The following NALF1 variants were observed in gnomAD, a reference collection of about 807,000 sequenced individuals.
NALF1 encodes the protein NALCN channel auxiliary factor 1.
Under a neutral mutation model 48.4 loss-of-function variants are expected in NALF1, and 3 were observed. The observed-to-expected ratio is 0.06, with a 90% CI of 0.03 to 0.16. The LOEUF (loss-of-function observed/expected upper bound fraction) is 0.16. NALF1 is among the 10% of genes least tolerant of loss of function. The pLI is 1.00. For synonymous variants in NALF1, 262 were observed against 245.7 expected, an observed-to-expected ratio of 1.07 and a Z score of -0.62; for missense variants, 526 against 571.5, an observed-to-expected ratio of 0.92 and a Z score of 0.81.
intron 1 of NALF1, among the ~76,000 whole-genome samples, chr13:107,230,884 A>T (rs765141726): frequency 5.3e-5 from 8 of 151,910 alleles, no homozygotes; most frequent in Non-Finnish European, 1.2e-4. Flanking sequence ...ACATAGTGAG[A>T]CCCCATCTCC....
intron 1 of NALF1, among the ~76,000 whole-genome samples, chr13:107,548,112 T>C (rs1369970079): frequency 6.6e-6 from 1 of 152,076 alleles, no homozygotes; most frequent in Non-Finnish European, 1.5e-5. Flanking sequence ...TTTTTCTGCT[T>C]CTCTCCCTCC....
At chr13:107,579,448 C>G (rs1566401404) in intron 1 of NALF1, among the ~76,000 whole-genome samples, 1 of 152,140 alleles carries the variant, frequency 6.6e-6, no homozygotes, top group Non-Finnish European at 1.5e-5. Flanking sequence ...CACTGTGCCC[C>G]CTCCTTATGT....
At chr13:107,778,607 T>G (rs767020420) in intron 1 of NALF1, among the ~76,000 whole-genome samples, 1 of 149,628 alleles carries the variant, frequency 6.7e-6, no homozygotes, top group South Asian at 2.1e-4. Flanking sequence ...GTTTTTTTGT[T>G]TGTTTGTTTT....
intron 1 of NALF1, among the ~76,000 whole-genome samples, chr13:107,510,203 T>C (rs575550590): frequency 6.6e-6 from 1 of 152,298 alleles, no homozygotes; most frequent in Admixed American, 6.5e-5. Flanking sequence ...ATATTGCTAT[T>C]TGAGTGATAG....
At chr13:107,737,784 T>C (rs1876509675) in intron 1 of NALF1, among the ~76,000 whole-genome samples, 1 of 152,206 alleles carries the variant, frequency 6.6e-6, no homozygotes, top group African/African-American at 2.4e-5. Context: ...ACCCATTGTA[T>C]TGCAGAGTAC....
intron 1 of NALF1, among the ~76,000 whole-genome samples, chr13:107,818,432 T>C (rs1179958540): frequency 6.6e-6 from 1 of 152,120 alleles, no homozygotes; most frequent in African/African-American, 2.4e-5. Flanking sequence ...TGCACATAGC[T>C]GCTCCTATTG....
chr13:107,861,073 A>G (rs1241884425), intron 1 of NALF1, among the ~76,000 whole-genome samples: 2 of 152,230 alleles, frequency 1.3e-5, no homozygotes, highest in East Asian at 3.8e-4. Context: ...AATAAGATAT[A>G]ATGTTGGATA....
chr13:107,644,796 A>G (rs1009580898), intron 1 of NALF1, among the ~76,000 whole-genome samples: 1 of 151,890 alleles, frequency 6.6e-6, no homozygotes, highest in African/African-American at 2.4e-5. Context: ...GTACAGAAAG[A>G]AAAGTGAACA....
chr13:107,243,380 C>T lies in NALF1; in HGVS notation c.916-32625G>A, dbSNP rs542765300. 7.2e-5 allele frequency among the ~76,000 whole-genome samples: 11 copies of T among 152,290 alleles called. No individual in the cohort carries two copies. The South Asian group carries it at 1.9e-3, about 26-fold the overall frequency. On this transcript the variant is annotated intron_variant, in intron 1 of 2. Transcript: ENST00000375915. Reference sequence around the variant, plus strand: ...CCCTGGGCCACGCAGGTGATTTCAGCGCATCCCCAGCCCTGACCCCCATTG... The same window carrying T: ...CCCTGGGCCACGCAGGTGATTTCAGTGCATCCCCAGCCCTGACCCCCATTG...
intron 1 of NALF1, among the ~76,000 whole-genome samples, chr13:107,496,983 A>G (rs1335467884): frequency 1.3e-5 from 2 of 152,198 alleles, no homozygotes; most frequent in African/African-American, 2.4e-5. Context: ...GAGCCAAACC[A>G]TATCAGGAAA....
chr13:107,381,435 C>T (rs767875338), intron 1 of NALF1, among the ~76,000 whole-genome samples: 19 of 151,880 alleles, frequency 1.3e-4, no homozygotes, highest in Non-Finnish European at 1.3e-4. Context: ...TGGGCTCAAA[C>T]GATCCTCTCA....
In NALF1 at chr13:107,341,020, T is replaced by C. The variant is rs549759831; in HGVS notation, c.916-130265A>G. On this transcript the variant is annotated intron_variant, in intron 1 of 2. Transcript: ENST00000375915. ...GAAAAGTATTGTTACTGCCCAATTT[T>C]TTCATCTCCTAGTATCACCCCCCAC... Among the ~76,000 whole-genome samples the C allele has an allele frequency of 2.9e-3, 438 of 152,198 alleles. 2 individuals are homozygous for C. The highest frequency in any genetic ancestry group is 0.01 in the African/African-American group (423 of 41,524).
intron 1 of NALF1, among the ~76,000 whole-genome samples, chr13:107,317,490 G>C (rs1882173043): frequency 1.3e-5 from 2 of 151,980 alleles, no homozygotes; most frequent in Admixed American, 6.6e-5. Context: ...GAATTCCTGG[G>C]AATAATCTTT....
intron 1 of NALF1, among the ~76,000 whole-genome samples, chr13:107,217,774 C>A (rs916207136): frequency 2.6e-5 from 4 of 152,140 alleles, no homozygotes; most frequent in African/African-American, 9.7e-5. Flanking sequence ...TCTACTGACA[C>A]CAGTGCTGCT....
At chr13:107,365,053 CCT>C (rs1477434403) in intron 1 of NALF1, among the ~76,000 whole-genome samples, 1 of 142,106 alleles carries the variant, frequency 7.0e-6, no homozygotes, top group African/African-American at 2.6e-5. Context: ...TCTCTCTCTC[CCT>C]CTCCCTCTTC....
intron 1 of NALF1, among the ~76,000 whole-genome samples, chr13:107,480,097 C>T (rs569258308): frequency 1.4e-4 from 21 of 152,256 alleles, no homozygotes; most frequent in African/African-American, 4.8e-4. Flanking sequence ...GGATCACTTA[C>T]TCATGATTTG....
intron 1 of NALF1, among the ~76,000 whole-genome samples, chr13:107,648,888 G>A (rs1310236956): frequency 1.3e-5 from 2 of 152,080 alleles, no homozygotes; most frequent in Non-Finnish European, 2.9e-5. Flanking sequence ...ATAGGTGTGT[G>A]GTGGTATCTC....
intron 1 of NALF1, among the ~76,000 whole-genome samples, chr13:107,458,618 A>G (rs1264128394): frequency 1.3e-5 from 2 of 152,186 alleles, no homozygotes; most frequent in Non-Finnish European, 2.9e-5. Context: ...GAAGACGCAC[A>G]ACGTTTAACA....
chr13:107,200,543 A>G (rs1451925930), intron 2 of NALF1, among the ~76,000 whole-genome samples: 2 of 152,240 alleles, frequency 1.3e-5, no homozygotes, highest in African/African-American at 4.8e-5. Context: ...TTCTTGGTAG[A>G]CATTTATTTT....
Sources: allele counts gnomAD v4.1 joint callset (sites outside exome capture counted in the v4.1 genomes callset), GRCh38; gene constraint gnomAD v4.1.1; transcripts MANE v1.5; gene names NCBI Gene and HGNC (gene_info 2026-07-23, HGNC 2026-07-21).